Variants in PIGP observed in about 807,000 individuals in gnomAD.
PIGP encodes the protein phosphatidylinositol glycan anchor biosynthesis class P, also known as phosphatidylinositol N-acetylglucosaminyltransferase subunit P.
In PIGP, 12 loss-of-function variants were observed where a neutral mutation model predicts 16.9. The observed-to-expected ratio is 0.71, with a 90% CI of 0.46 to 1.15. The LOEUF (loss-of-function observed/expected upper bound fraction) is 1.15, where lower values mean the gene tolerates loss of function less well. Among genes scored for constraint, PIGP ranks in the 50% most tolerant of loss-of-function variants. The pLI, the probability that PIGP is intolerant of heterozygous loss-of-function variation, is 0.00. For missense variants in PIGP, 159 were observed against 153.5 expected, an observed-to-expected ratio of 1.04 and a Z score of -0.19; for synonymous variants, 57 against 54.7, an observed-to-expected ratio of 1.04 and a Z score of -0.18.
chr21:37,065,938 C>T (rs1447010330), intron 4 of PIGP, among the ~76,000 whole-genome samples: 1 of 152,018 alleles, frequency 6.6e-6, no homozygotes, highest in African/African-American at 2.4e-5. Flanking sequence ...ACAAAATTAG[C>T]CTGGTGAGGT....
At chr21:37,071,993 C>G (rs921715123) in intron 2 of PIGP, among the ~76,000 whole-genome samples, 4 of 152,192 alleles carry the variant, frequency 2.6e-5, no homozygotes, top group Admixed American at 2.0e-4. Flanking sequence ...CAAGGCCTTT[C>G]CACTTCTTCC....
intron 3 of PIGP, among the ~76,000 whole-genome samples, chr21:37,068,844 C>T: frequency 6.6e-6 from 1 of 151,892 alleles, no homozygotes; most frequent in South Asian, 2.1e-4. Flanking sequence ...GAAGATGGAG[C>T]AGGAGGTAAA....
chr21:37,072,632 C>T, intron 1 of PIGP, 95 bp from the exon 2 acceptor site: 1 of 1,592,662 alleles, frequency 6.3e-7, no homozygotes, highest in Non-Finnish European at 8.6e-7. Flanking sequence ...ACGGCCCCCG[C>T]CGCGCAGAAC....
Position 37,069,641 on chromosome 21 carries a change from GAAA to G in PIGP, c.83-20_83-18del. ...GGTAAAGTACTGTAGAAAAGAAAAA[GAAA>G]AAAAAGAGGAAGAGAAGTCAGTAAG... On this transcript the variant is annotated intron_variant, in intron 2 of 4. Transcript: ENST00000360525. The G allele has an allele frequency of 6.6e-7, 1 of 1,504,018 alleles. No individual in the cohort carries two copies. The highest frequency in any genetic ancestry group is 2.0e-4 in the Middle Eastern group (1 of 4,896). The allele number at this position is 1,504,018 out of a possible 1,614,324, so 93.2% of individuals were successfully genotyped here. A position where few individuals can be genotyped will look rare whatever the true frequency, so the allele number is the denominator to read the frequency against.
At chr21:37,071,469 G>A (rs1475160318) in intron 2 of PIGP, among the ~76,000 whole-genome samples, 1 of 152,168 alleles carries the variant, frequency 6.6e-6, no homozygotes, top group Non-Finnish European at 1.5e-5. Flanking sequence ...AGGAACCTGA[G>A]GCTCAAAAAA....
chr21:37,066,338 C>T (rs1601121242), intron 4 of PIGP, among the ~76,000 whole-genome samples: 1 of 152,232 alleles, frequency 6.6e-6, no homozygotes, highest in South Asian at 2.1e-4. Flanking sequence ...ACAATTTCCC[C>T]TCTTTGCACA....
At chr21:37,071,767 T>C (rs549516912) in intron 2 of PIGP, among the ~76,000 whole-genome samples, 2 of 152,288 alleles carry the variant, frequency 1.3e-5, no homozygotes, top group East Asian at 3.9e-4. Flanking sequence ...GACTTGGGAC[T>C]TGCTGTGTGA....
At chr21:37,072,663 G>C in intron 1 of PIGP, 126 bp from the exon 2 acceptor site, 1 of 1,521,822 alleles carries the variant, frequency 6.6e-7, no homozygotes, top group South Asian at 1.1e-5. Context: ...GCCTCCGTCC[G>C]CAACCCGCGC....
chr21:37,072,287 A>G, intron 2 of PIGP, 147 bp downstream of exon 2: 1 of 1,607,474 alleles, frequency 6.2e-7, no homozygotes, highest in African/African-American at 1.3e-5. Context: ...AACACTCAGC[A>G]AACACGAGAT....
chr21:37,065,850 A>G (rs2069893695), intron 4 of PIGP, 138 bp from the exon 5 acceptor site: 3 of 640,304 alleles, frequency 4.7e-6, no homozygotes, highest in African/African-American at 3.7e-5. Flanking sequence ...TAATTAGATG[A>G]TTACTTAAAT....
rs545366436 is a variant in PIGP at position 37,068,224 on chromosome 21, T to C, written c.156-844A>G. 1.6e-3 allele frequency among the ~76,000 whole-genome samples: 242 copies of C among 151,362 alleles called. 2 individuals carry two copies. The highest frequency in any genetic ancestry group is 5.6e-3 in the African/African-American group (232 of 41,378). ...GGCCAGATGTTTTTTTTTTTTTAAA[T>C]GATTTGTTCTCTATTATTTTCTCTT... is the stretch of plus-strand genomic sequence containing the variant. On this transcript the variant is annotated intron_variant, in intron 3 of 4. Transcript: ENST00000360525.
At chr21:37,072,065 T>C in intron 2 of PIGP, 2 of 792,582 alleles carry the variant, frequency 2.5e-6, no homozygotes, top group Non-Finnish European at 4.6e-6. Context: ...GTAGAAAGCC[T>C]TGACTTTCCA....
At chr21:37,069,497 G>A in intron 3 of PIGP, 55 bp downstream of exon 3, 1 of 1,039,890 alleles carries the variant, frequency 9.6e-7, no homozygotes, top group Non-Finnish European at 1.4e-6. Context: ...GAAATGATAT[G>A]ACTCCTCAAA....
intron 2 of PIGP, among the ~76,000 whole-genome samples, chr21:37,071,423 T>G (rs561331251): frequency 5.9e-4 from 90 of 152,320 alleles, no homozygotes; most frequent in African/African-American, 2.1e-3. Context: ...TCATAAGCAT[T>G]TAATAACCAT....
intron 3 of PIGP, among the ~76,000 whole-genome samples, chr21:37,068,895 T>C (rs2069951481): frequency 1.3e-5 from 2 of 152,210 alleles, no homozygotes; most frequent in South Asian, 4.1e-4. Flanking sequence ...TACTTCCCTG[T>C]TTTCAGTAAG....
chr21:37,067,264 G>T lies in PIGP; in HGVS notation c.272C>A (p.Thr91Lys). 1 of 1,539,048 alleles carries T rather than the reference G, an allele frequency of 6.5e-7. No homozygotes were observed. The highest frequency in any genetic ancestry group is 9.0e-7 in the Non-Finnish European group (1 of 1,111,768). The change falls in exon 4 of 5, where the codon ACA (threonine) becomes AAA (lysine). Residue 91 changes from threonine (T) to lysine (K), a missense_variant and splice_region_variant. By Grantham distance (78) the Thr-to-Lys change is moderately conservative. Transcript: ENST00000360525. ...ACTTTCCTTTTATATAAAGTTACCTGTGATTGTATGGATGGAGTCGAGTGG... is the reference window on the plus strand; with the variant it reads ...ACTTTCCTTTTATATAAAGTTACCTTTGATTGTATGGATGGAGTCGAGTGG... ...TSPLDSIHTI[T>K]DNYAKNQQQK...
intron 2 of PIGP, 28 bp from the exon 3 acceptor site, chr21:37,069,652 G>T (rs1006808588): frequency 2.1e-6 from 3 of 1,435,904 alleles, no homozygotes; most frequent in Non-Finnish European, 2.9e-6. Context: ...AAAAAAAAGA[G>T]GAAGAGAAGT....
At chr21:37,072,721 A>G (rs961751691) in intron 1 of PIGP, 184 bp from the exon 2 acceptor site, 1 of 897,890 alleles carries the variant, frequency 1.1e-6, no homozygotes, top group Non-Finnish European at 1.7e-6. Flanking sequence ...GCGCCCCGCA[A>G]CAGAAGGGGT....
chr21:37,071,896 G>T (rs988757434), intron 2 of PIGP, among the ~76,000 whole-genome samples: 1 of 152,178 alleles, frequency 6.6e-6, no homozygotes, highest in Non-Finnish European at 1.5e-5. Flanking sequence ...CGACTTCTCT[G>T]GCCTACTTCT....
Sources: gnomAD v4.1 joint callset for allele counts (sites outside exome capture counted in the v4.1 genomes callset) on GRCh38, gnomAD v4.1.1 for gene constraint, MANE v1.5 for transcripts, NCBI Gene and HGNC (gene_info 2026-07-23, HGNC 2026-07-21) for gene names.